The following KCNH7 variants were observed in gnomAD, a reference collection of about 807,000 sequenced individuals.
The protein encoded by KCNH7 is potassium voltage-gated channel subfamily H member 7, also known as voltage-gated inwardly rectifying potassium channel KCNH7.
KCNH7 carries 49 observed loss-of-function variants against 120.8 expected under a neutral mutation model. That is an observed-to-expected ratio of 0.41 (90% CI 0.32 to 0.51). The LOEUF (loss-of-function observed/expected upper bound fraction) is 0.51, where lower values mean the gene tolerates loss of function less well. KCNH7 is among the 20% of genes least tolerant of loss of function. The pLI, the probability that KCNH7 is intolerant of heterozygous loss-of-function variation, is 0.38. For missense variants in KCNH7, 1,097 were observed against 1,446.6 expected, an observed-to-expected ratio of 0.76 and a Z score of 3.92; for synonymous variants, 547 against 516.1, an observed-to-expected ratio of 1.06 and a Z score of -0.81.
intron 2 of KCNH7, among the ~76,000 whole-genome samples, chr2:162,750,036 G>C (rs190924146): frequency 1.3e-5 from 2 of 152,126 alleles, no homozygotes; most frequent in Non-Finnish European, 2.9e-5. Flanking sequence ...GCCTAGGAAG[G>C]TTAATCAGAT....
At chr2:162,827,126 A>C (rs1204269633) in intron 2 of KCNH7, among the ~76,000 whole-genome samples, 1 of 152,220 alleles carries the variant, frequency 6.6e-6, no homozygotes, top group East Asian at 1.9e-4. Flanking sequence ...CATTTGGCTC[A>C]AGATGTAGAA....
chr2:162,690,265 A>T (rs1186220782), intron 2 of KCNH7, among the ~76,000 whole-genome samples: 1 of 152,132 alleles, frequency 6.6e-6, no homozygotes, highest in African/African-American at 2.4e-5. Flanking sequence ...ATCAGGAAAA[A>T]TAACTAATGG....
intron 2 of KCNH7, 145 bp from the exon 3 acceptor site, chr2:162,537,225 C>T (rs1692139431): frequency 3.1e-6 from 2 of 634,980 alleles, no homozygotes; most frequent in African/African-American, 1.8e-5. Flanking sequence ...TTTTTTACTT[C>T]ATATTTTATT....
chr2:162,432,807 T>C (rs1261626747), intron 8 of KCNH7, among the ~76,000 whole-genome samples: 7 of 151,934 alleles, frequency 4.6e-5, no homozygotes, highest in Non-Finnish European at 7.4e-5. Context: ...AAGTCCTAGC[T>C]AGAACAAGCA....
At chr2:162,515,783 T>C (rs2105780871) in intron 4 of KCNH7, among the ~76,000 whole-genome samples, 1 of 151,902 alleles carries the variant, frequency 6.6e-6, no homozygotes, top group South Asian at 2.1e-4. Flanking sequence ...CCTTGTATTT[T>C]CTTTTTTCCT....
At chr2:162,760,986 A>G (rs1368621672) in intron 2 of KCNH7, among the ~76,000 whole-genome samples, 1 of 152,060 alleles carries the variant, frequency 6.6e-6, no homozygotes, top group Non-Finnish European at 1.5e-5. Flanking sequence ...CTTGGCTGTG[A>G]TTTCTAAGTT....
At chr2:162,383,462 T>TGTG (rs2105409937) in intron 13 of KCNH7, among the ~76,000 whole-genome samples, 1 of 152,038 alleles carries the variant, frequency 6.6e-6, no homozygotes, top group South Asian at 2.1e-4. Context: ...CTTACTTCAA[T>TGTG]GTGGGGTCAT....
chr2:162,415,081 G>A (rs1687500818), intron 9 of KCNH7, among the ~76,000 whole-genome samples: 1 of 151,610 alleles, frequency 6.6e-6, no homozygotes, highest in African/African-American at 2.4e-5. Flanking sequence ...TGCTATTTCT[G>A]TAAACCAATG....
At position 162,614,994 on chromosome 2, in the gene KCNH7, T is replaced by C. The variant is rs148296120; in HGVS notation, c.308-77914A>G. On this transcript the variant is annotated intron_variant, in intron 2 of 15. Transcript: ENST00000332142. ...TTCATAAATTGAGAGCTTAGAATTA[T>C]AGCAATACGGTTTAAATGTAAGACA... Among the ~76,000 whole-genome samples the C allele has an allele frequency of 2.0e-3, 303 of 152,306 alleles. 1 individual carries two copies. Among genetic ancestry groups the C allele is most frequent in the African/African-American group, 6.8e-3 (283 of 41,584 alleles).
chr2:162,702,905 T>C (rs970661920), intron 2 of KCNH7, among the ~76,000 whole-genome samples: 2 of 152,132 alleles, frequency 1.3e-5, no homozygotes, highest in African/African-American at 4.8e-5. Flanking sequence ...AGGCTGAATG[T>C]TTCCTTAGGA....
At chr2:162,631,124 T>C (rs1353316942) in intron 2 of KCNH7, among the ~76,000 whole-genome samples, 1 of 152,156 alleles carries the variant, frequency 6.6e-6, no homozygotes, top group Non-Finnish European at 1.5e-5. Context: ...AGCAGGTTTG[T>C]CCTGGTATTT....
chr2:162,422,232 A>G (rs1343855687), intron 9 of KCNH7, among the ~76,000 whole-genome samples: 2 of 152,136 alleles, frequency 1.3e-5, no homozygotes, highest in African/African-American at 4.8e-5. Context: ...TATAAATATT[A>G]CTTTCAAATT....
At chr2:162,391,798 A>G (rs1686753097) in intron 12 of KCNH7, among the ~76,000 whole-genome samples, 1 of 152,066 alleles carries the variant, frequency 6.6e-6, no homozygotes, top group South Asian at 2.1e-4. Flanking sequence ...TATATTGACA[A>G]CATTGTTAAC....
chr2:162,449,919 T>G (rs768100526), intron 6 of KCNH7, among the ~76,000 whole-genome samples: 3 of 152,096 alleles, frequency 2.0e-5, no homozygotes, highest in Non-Finnish European at 4.4e-5. Flanking sequence ...GAATTCAAAC[T>G]CTCATTACTA....
At chr2:162,677,318 C>T (rs1044096316) in intron 2 of KCNH7, among the ~76,000 whole-genome samples, 2 of 151,422 alleles carry the variant, frequency 1.3e-5, no homozygotes, top group Admixed American at 6.6e-5. Context: ...AATTGTCATA[C>T]ATAACCTAGT....
At chr2:162,728,133 T>G (rs900720174) in intron 2 of KCNH7, among the ~76,000 whole-genome samples, 1 of 152,054 alleles carries the variant, frequency 6.6e-6, no homozygotes, top group Non-Finnish European at 1.5e-5. Flanking sequence ...ACAGCTCTAG[T>G]TGATACACTC....
intron 2 of KCNH7, among the ~76,000 whole-genome samples, chr2:162,725,990 A>G (rs562252017): frequency 6.6e-6 from 1 of 152,340 alleles, no homozygotes; most frequent in South Asian, 2.1e-4. Flanking sequence ...TTTTATTATC[A>G]TGCTTTTAAA....
In KCNH7 at chr2:162,512,738, T is replaced by C. The variant is rs959950195; in HGVS notation, c.893-64A>G. On this transcript the variant is annotated intron_variant, in intron 4 of 15. Transcript: ENST00000332142. ...AAAAGAAGACTAAAATTATATTATA[T>C]ACACTGAATTACCTGTATAAAAACA... 14 of 1,181,846 alleles carry C rather than the reference T, an allele frequency of 1.2e-5. 1 individual carries two copies. The highest frequency in any genetic ancestry group is 1.6e-5 in the Non-Finnish European group (13 of 807,424). 73.2% of individuals were successfully genotyped at this position (1,181,846 alleles called of 1,614,324 possible).
intron 2 of KCNH7, among the ~76,000 whole-genome samples, chr2:162,541,998 T>C (rs1218364567): frequency 6.6e-6 from 1 of 152,026 alleles, no homozygotes; most frequent in Non-Finnish European, 1.5e-5. Flanking sequence ...TAGCAAATTG[T>C]TTTAAGTATG....
Sources: allele counts gnomAD v4.1 joint callset (sites outside exome capture counted in the v4.1 genomes callset), GRCh38; gene constraint gnomAD v4.1.1; transcripts MANE v1.5; gene names NCBI Gene and HGNC (gene_info 2026-07-23, HGNC 2026-07-21).